Variants in RANBP2 observed in about 807,000 individuals in gnomAD.
RANBP2 encodes RAN binding protein 2.
RANBP2 carries 57 observed loss-of-function variants against 303.6 expected under a neutral mutation model. The ratio of observed to expected loss-of-function variants is 0.19; its 90% CI spans 0.15 to 0.23. The LOEUF (loss-of-function observed/expected upper bound fraction) is 0.23. RANBP2 is among the 10% of genes least tolerant of loss of function. The pLI is 1.00. For synonymous variants in RANBP2, 1,167 were observed against 1,301.5 expected (o/e 0.90, Z 2.23); for missense variants, 3,138 against 3,780.8 (o/e 0.83, Z 4.46).
chr2:109,125,037 G>T, the RANBP2 span, among the ~76,000 whole-genome samples: 1 of 152,242 alleles, frequency 6.6e-6, no homozygotes, highest in African/African-American at 2.4e-5. Context: ...AAACCCATAA[G>T]ATCAACAGCA....
chr2:109,026,459 C>T, the RANBP2 span, among the ~76,000 whole-genome samples: 1,015 of 152,098 alleles, frequency 6.7e-3, 29 homozygotes, highest in East Asian at 0.077. Flanking sequence ...ACCGTTTTTG[C>T]TTTTAGAAGA....
At chr2:109,399,760 A>G in the RANBP2 span, among the ~76,000 whole-genome samples, 1 of 152,374 alleles carries the variant, frequency 6.6e-6, no homozygotes, top group South Asian at 2.1e-4. Context: ...CCCTTTATGA[A>G]TGCAGAGACT....
the RANBP2 span, among the ~76,000 whole-genome samples, chr2:109,292,560 A>G: frequency 6.6e-6 from 1 of 152,172 alleles, no homozygotes; most frequent in Non-Finnish European, 1.5e-5. Flanking sequence ...ACTTTAAATG[A>G]CATCATCCCC....
the RANBP2 span, among the ~76,000 whole-genome samples, chr2:109,283,571 G>C: frequency 1.3e-5 from 2 of 152,154 alleles, no homozygotes; most frequent in Non-Finnish European, 2.9e-5. Context: ...GAGCAGGATG[G>C]GGGCACACTT....
the RANBP2 span, among the ~76,000 whole-genome samples, chr2:109,726,540 G>A: frequency 2.6e-5 from 4 of 152,172 alleles, no homozygotes; most frequent in Admixed American, 2.6e-4. Context: ...TCGCAGAGGA[G>A]ACCGTTTCCA....
chr2:109,429,224 C>A, the RANBP2 span, among the ~76,000 whole-genome samples: 1 of 152,252 alleles, frequency 6.6e-6, no homozygotes, highest in East Asian at 1.9e-4. Context: ...GACCCCCACC[C>A]GGGCCAAGGC....
the RANBP2 span, chr2:108,804,998 T>TA: frequency 7.9e-6 from 12 of 1,526,744 alleles, no homozygotes; most frequent in Middle Eastern, 1.8e-4. Flanking sequence ...AATGATACCT[T>TA]AAAAAAACAG....
At chr2:109,534,925 T>A in the RANBP2 span, among the ~76,000 whole-genome samples, 2 of 152,074 alleles carry the variant, frequency 1.3e-5, no homozygotes, top group Admixed American at 1.3e-4. Context: ...GAAGGCCCCC[T>A]CCCCTCCAGC....
the RANBP2 span, among the ~76,000 whole-genome samples, chr2:109,554,742 T>C: frequency 6.6e-6 from 1 of 152,210 alleles, no homozygotes; most frequent in Non-Finnish European, 1.5e-5. Context: ...ACATCTCATG[T>C]TCAGCCTCAT....
the RANBP2 span, among the ~76,000 whole-genome samples, chr2:108,859,415 T>TGTC: frequency 6.6e-6 from 1 of 152,210 alleles, no homozygotes; most frequent in Admixed American, 6.5e-5. Context: ...AGGTCCCAGT[T>TGTC]GTCAATTTTT....
At chr2:109,288,740 GT>G in the RANBP2 span, among the ~76,000 whole-genome samples, 176 of 152,316 alleles carry the variant, frequency 1.2e-3, 1 homozygote, top group African/African-American at 4.0e-3. Flanking sequence ...ATGGGTAAAA[GT>G]TGTCATGATG....
chr2:109,117,661 G>A, the RANBP2 span, among the ~76,000 whole-genome samples: 1 of 152,324 alleles, frequency 6.6e-6, no homozygotes, highest in East Asian at 1.9e-4. Context: ...CCCACTGTCT[G>A]GCACTCCCTA....
chr2:109,161,224 C>T, the RANBP2 span, among the ~76,000 whole-genome samples: 1 of 152,300 alleles, frequency 6.6e-6, no homozygotes, highest in Admixed American at 6.5e-5. Context: ...GGTGGGGAAT[C>T]CCCACCTTAT....
At chr2:109,581,319 C>T in the RANBP2 span, among the ~76,000 whole-genome samples, 2,713 of 152,068 alleles carry the variant, frequency 0.018, 72 homozygotes, top group African/African-American at 0.061. Context: ...CACCTGTAAT[C>T]CCAGCTGTTT....
the RANBP2 span, among the ~76,000 whole-genome samples, chr2:109,483,331 C>T: frequency 6.6e-6 from 1 of 152,226 alleles, no homozygotes; most frequent in Admixed American, 6.5e-5. Flanking sequence ...TTCCTGCAAG[C>T]CCCAGTGGTG....
At chr2:109,472,577 G>A in the RANBP2 span, among the ~76,000 whole-genome samples, 1 of 152,156 alleles carries the variant, frequency 6.6e-6, no homozygotes, top group Admixed American at 6.5e-5. Flanking sequence ...GCTGCCTTCT[G>A]GTTGGATGAA....
the RANBP2 span, among the ~76,000 whole-genome samples, chr2:109,177,942 C>T: frequency 7.2e-5 from 11 of 152,192 alleles, no homozygotes; most frequent in Non-Finnish European, 1.2e-4. Context: ...GCAGGAGTCT[C>T]ATTTGATTTG....
the RANBP2 span, among the ~76,000 whole-genome samples, chr2:108,809,718 A>T: frequency 6.6e-6 from 1 of 152,054 alleles, no homozygotes; most frequent in African/African-American, 2.4e-5. Context: ...GTTCTGAGAA[A>T]TTTTTGGTGG....
chr2:108,904,592 C>T, the RANBP2 span, among the ~76,000 whole-genome samples: 1 of 152,108 alleles, frequency 6.6e-6, no homozygotes, highest in African/African-American at 2.4e-5. Flanking sequence ...ATGGTTAAAC[C>T]AACTCTGGTC....
Sources: allele counts gnomAD v4.1 joint callset (sites outside exome capture counted in the v4.1 genomes callset), GRCh38; gene constraint gnomAD v4.1.1; transcripts MANE v1.5; gene names NCBI Gene and HGNC (gene_info 2026-07-23, HGNC 2026-07-21).